The following LEPR variants were observed in gnomAD, a reference collection of about 807,000 sequenced individuals.
The protein encoded by LEPR is OB receptor.
In LEPR, 56 loss-of-function variants were observed where a neutral mutation model predicts 114.7. That is an observed-to-expected ratio of 0.49 (90% CI 0.39 to 0.61). The LOEUF (loss-of-function observed/expected upper bound fraction) is 0.61. Ranked by LOEUF, LEPR falls within the 20% of genes least tolerant of loss-of-function variation. The pLI, the probability that LEPR is intolerant of heterozygous loss-of-function variation, is 0.00. For missense variants in LEPR, 1,202 were observed against 1,352.9 expected (o/e 0.89, Z 1.75); for synonymous variants, 443 against 461.4 (o/e 0.96, Z 0.51).
At position 65,519,147 on chromosome 1, in the gene LEPR, CCTTCCTTT is replaced by C. The variant is rs1327370158; in HGVS notation, c.-20-46397_-20-46390del. Among the ~76,000 whole-genome samples the C allele has an allele frequency of 3.0e-4, 43 of 144,608 alleles. No individual in the cohort carries two copies. In the East Asian group the frequency reaches 6.6e-3, roughly 22 times the overall value. 94.9% of individuals were successfully genotyped at this position (144,608 alleles called of 152,430 possible). A position where few individuals can be genotyped will look rare whatever the true frequency, so the allele number is the denominator to read the frequency against. ...TCCTTCCTTCCTTCCTTCCTTCCTT[CCTTCCTTT>C]CCTTCCTTCCTTCCTTCCGGGTCTC... On this transcript the variant is annotated intron_variant, in intron 2 of 19. Transcript: ENST00000349533.
At chr1:65,449,758 A>G (rs1383183356) in intron 2 of LEPR, among the ~76,000 whole-genome samples, 1 of 141,250 alleles carries the variant, frequency 7.1e-6, no homozygotes, top group Non-Finnish European at 1.6e-5. Context: ...AATTTCATTG[A>G]TTTCTGCTTT....
chr1:65,611,687 C>T (rs1282791942), intron 14 of LEPR, among the ~76,000 whole-genome samples: 2 of 152,208 alleles, frequency 1.3e-5, no homozygotes, highest in African/African-American at 4.8e-5. Flanking sequence ...ATGTTTTCCT[C>T]ATATCATGGA....
chr1:65,634,174 C>T (rs1658629297), intron 19 of LEPR: 1 of 984,754 alleles, frequency 1.0e-6, no homozygotes, highest in African/African-American at 1.7e-5. Flanking sequence ...ACCAAACCAA[C>T]GACTATGTTT....
intron 2 of LEPR, among the ~76,000 whole-genome samples, chr1:65,447,387 T>C (rs1240405050): frequency 6.6e-6 from 1 of 152,122 alleles, no homozygotes; most frequent in African/African-American, 2.4e-5. Context: ...AGGGACTGTC[T>C]CTCCATTTAT....
At chr1:65,574,997 TG>T (rs983899534) in intron 5 of LEPR, among the ~76,000 whole-genome samples, 2 of 152,002 alleles carry the variant, frequency 1.3e-5, no homozygotes, top group East Asian at 1.9e-4. Flanking sequence ...ATTCAGTTGA[TG>T]GGGGGACACT....
At chr1:65,449,580 T>C (rs1646755328) in intron 2 of LEPR, among the ~76,000 whole-genome samples, 1 of 152,138 alleles carries the variant, frequency 6.6e-6, no homozygotes, top group African/African-American at 2.4e-5. Flanking sequence ...GTGGAGCTGC[T>C]GCAGCTGAAG....
intron 6 of LEPR, 71 bp downstream of exon 6, chr1:65,592,936 C>T: frequency 6.5e-7 from 1 of 1,532,274 alleles, no homozygotes. Context: ...AAATTGCTTA[C>T]AAAAATATTT....
intron 5 of LEPR, among the ~76,000 whole-genome samples, chr1:65,588,737 T>C (rs569260029): frequency 1.7e-4 from 26 of 152,232 alleles, no homozygotes; most frequent in African/African-American, 5.8e-4. Context: ...ATCTTGAGAT[T>C]CATTAATGTT....
At chr1:65,514,434 T>C (rs1406798509) in intron 2 of LEPR, among the ~76,000 whole-genome samples, 3 of 152,236 alleles carry the variant, frequency 2.0e-5, no homozygotes, top group Non-Finnish European at 4.4e-5. Context: ...CTTACATAGA[T>C]ATTTTCAAAT....
chr1:65,550,407 C>T (rs1352121304), intron 2 of LEPR, among the ~76,000 whole-genome samples: 1 of 152,222 alleles, frequency 6.6e-6, no homozygotes, highest in Non-Finnish European at 1.5e-5. Context: ...TGTCTGTGCC[C>T]TGCCCCCAGA....
intron 2 of LEPR, among the ~76,000 whole-genome samples, chr1:65,548,289 T>A (rs2100700344): frequency 1.3e-5 from 2 of 152,270 alleles, no homozygotes; most frequent in South Asian, 4.1e-4. Flanking sequence ...ATTCTGTTGA[T>A]TTGGGGTGGA....
chr1:65,602,292 G>T (rs1216384650), intron 10 of LEPR, among the ~76,000 whole-genome samples: 1 of 151,946 alleles, frequency 6.6e-6, no homozygotes, highest in Non-Finnish European at 1.5e-5. Context: ...GACTAGAGGA[G>T]AATGTGAAAG....
At chr1:65,437,538 A>G (rs1290944550) in intron 2 of LEPR, among the ~76,000 whole-genome samples, 7 of 151,936 alleles carry the variant, frequency 4.6e-5, no homozygotes, top group African/African-American at 1.7e-4. Flanking sequence ...ATAAAAGGTC[A>G]CAAAAGGCTG....
intron 2 of LEPR, among the ~76,000 whole-genome samples, chr1:65,462,809 G>A (rs1248219428): frequency 6.6e-6 from 1 of 152,174 alleles, no homozygotes; most frequent in Admixed American, 6.5e-5. Flanking sequence ...TTTGAGAAAT[G>A]TCTGTTTATA....
chr1:65,512,268 C>T (rs191462388), intron 2 of LEPR, among the ~76,000 whole-genome samples: 1 of 152,258 alleles, frequency 6.6e-6, no homozygotes, highest in African/African-American at 2.4e-5. Context: ...CCCCATGATC[C>T]AATCACCTCC....
At chr1:65,623,253 G>C (rs1186799845) in intron 19 of LEPR, 2 of 326,432 alleles carry the variant, frequency 6.1e-6, no homozygotes, top group Non-Finnish European at 1.1e-5. Flanking sequence ...ATAAATATTA[G>C]AAAGTTAAGG....
chr1:65,457,100 C>A (rs1268271920), intron 2 of LEPR, among the ~76,000 whole-genome samples: 1 of 152,014 alleles, frequency 6.6e-6, no homozygotes, highest in African/African-American at 2.4e-5. Flanking sequence ...ACAAAGTAAC[C>A]CAATTCTTTC....
At chr1:65,539,656 C>T (rs2100655402) in intron 2 of LEPR, among the ~76,000 whole-genome samples, 1 of 152,284 alleles carries the variant, frequency 6.6e-6, no homozygotes, top group East Asian at 1.9e-4. Context: ...GAATACTTTG[C>T]TCGTGTTTGA....
chr1:65,550,301 C>A (rs1407672013), intron 2 of LEPR, among the ~76,000 whole-genome samples: 1 of 152,206 alleles, frequency 6.6e-6, no homozygotes, highest in Non-Finnish European at 1.5e-5. Context: ...TGCCCGTTCT[C>A]AGGTCTCCAG....
Sources: gnomAD v4.1 joint callset for allele counts (sites outside exome capture counted in the v4.1 genomes callset) on GRCh38, gnomAD v4.1.1 for gene constraint, MANE v1.5 for transcripts, NCBI Gene and HGNC (gene_info 2026-07-23, HGNC 2026-07-21) for gene names.